The following UPRT variants were observed in gnomAD, a reference collection of about 807,000 sequenced individuals.
UPRT encodes RP11-311P8.3.
UPRT carries 5 observed loss-of-function variants against 22.6 expected under a neutral mutation model. That is an observed-to-expected ratio of 0.22 (90% CI 0.12 to 0.47). UPRT has a LOEUF of 0.47. Ranked by LOEUF, UPRT falls within the 20% of genes least tolerant of loss-of-function variation. The pLI is 0.99. For synonymous variants in UPRT, 77 were observed against 87.7 expected (o/e 0.88, Z 0.68); for missense variants, 181 against 239.9 (o/e 0.75, Z 1.62).
intron 4 of UPRT, among the ~76,000 whole-genome samples, chrX:75,169,848 C>T (rs144870298): frequency 0.016 from 1,793 of 111,213 alleles, 33 homozygotes; most frequent in Admixed American, 0.072. Context: ...GTCTTGATGA[C>T]CTGTCTAGTG....
At chrX:75,272,590 G>T (rs1169704347), upstream of UPRT, among the ~76,000 whole-genome samples, 1 of 107,708 alleles carries the variant, frequency 9.3e-6, no homozygotes, top group African/African-American at 3.4e-5. Context: ...GAGGAAAAGG[G>T]TGGGAAGGGC....
At chrX:75,293,608 G>T in intron 2 of UPRT, 94 bp downstream of exon 2, 2 of 929,156 alleles carry the variant, frequency 2.2e-6, no homozygotes, top group Non-Finnish European at 1.5e-6. Context: ...GCATTCTGGG[G>T]CTGAAAGAGA....
intron 4 of UPRT, among the ~76,000 whole-genome samples, chrX:75,254,999 T>C (rs1208669993): frequency 9.1e-6 from 1 of 110,038 alleles, no homozygotes; most frequent in Admixed American, 9.7e-5. Context: ...ATGGTCTCGA[T>C]CTCCTGACCT....
intron 1 of UPRT, among the ~76,000 whole-genome samples, chrX:75,292,716 G>A (rs1184949477): frequency 9.0e-6 from 1 of 111,003 alleles, no homozygotes; most frequent in African/African-American, 3.3e-5. Context: ...AGAAAGATGA[G>A]GAACAATACT....
At chrX:75,157,411 G>T (rs749325484) in intron 1 of UPRT, among the ~76,000 whole-genome samples, 1 of 111,914 alleles carries the variant, frequency 8.9e-6, no homozygotes, top group African/African-American at 3.3e-5. Flanking sequence ...AGTTGAAGAG[G>T]TTGACTGGAA....
chrX:75,266,621 A>T (rs1430077975), intron 4 of UPRT, among the ~76,000 whole-genome samples: 1 of 111,833 alleles, frequency 8.9e-6, no homozygotes, highest in East Asian at 2.8e-4. Flanking sequence ...GCTTCTGCAC[A>T]GCAAAAGAAA....
intron 4 of UPRT, among the ~76,000 whole-genome samples, chrX:75,251,198 G>T (rs1316325713): frequency 9.0e-6 from 1 of 111,491 alleles, no homozygotes; most frequent in Non-Finnish European, 1.9e-5. Flanking sequence ...CATAGTGTTG[G>T]AAGTTCTGGC....
chrX:75,206,647 A>G (rs2082367847), intron 4 of UPRT, among the ~76,000 whole-genome samples: 1 of 110,409 alleles, frequency 9.1e-6, no homozygotes, highest in Non-Finnish European at 1.9e-5. Flanking sequence ...TACAGGGAGT[A>G]TGCTGGGAAA....
At chrX:75,241,792 C>G (rs191440974) in intron 4 of UPRT, among the ~76,000 whole-genome samples, 1 of 111,364 alleles carries the variant, frequency 9.0e-6, no homozygotes, top group East Asian at 2.8e-4. Context: ...GAGTTGGAGA[C>G]CATTATTCTA....
rs186545525 is a variant in UPRT, at chrX:75,301,461, C to T, written c.823+496C>T. On this transcript the variant is annotated intron_variant, in intron 6 of 6. Transcript: ENST00000373383. ...CCTAACTTAAGATCTTAGTGTTTTT[C>T]GCCATACATTGCAGAACAATTGGGA... 4.2e-3 allele frequency among the ~76,000 whole-genome samples: 474 copies of T among 111,569 alleles called. 5 individuals are homozygous for T. The East Asian group carries it at 0.093, about 22-fold the overall frequency.
chrX:75,296,219 C>T, intron 2 of UPRT, 123 bp from the exon 3 acceptor site: 1 of 606,582 alleles, frequency 1.6e-6, no homozygotes. Context: ...CCCCTTACTG[C>T]CTCCACAAGT....
At chrX:75,293,749 C>T (rs945503644) in intron 2 of UPRT, among the ~76,000 whole-genome samples, 20 of 111,506 alleles carry the variant, frequency 1.8e-4, no homozygotes, top group African/African-American at 6.2e-4. Context: ...TGAGATAACA[C>T]TACCTCTCAA....
intron 4 of UPRT, among the ~76,000 whole-genome samples, chrX:75,212,383 C>T (rs770255882): frequency 2.0e-4 from 22 of 112,117 alleles, no homozygotes; most frequent in Non-Finnish European, 3.4e-4. Flanking sequence ...AAGAAACTCA[C>T]TCAAAACCAC....
chrX:75,234,814 A>C (rs1227677329), intron 4 of UPRT, among the ~76,000 whole-genome samples: 1 of 111,504 alleles, frequency 9.0e-6, no homozygotes, highest in East Asian at 2.8e-4. Context: ...TATAGCACTA[A>C]ATGCCCACAA....
At chrX:75,234,777 A>G (rs1602465406) in intron 4 of UPRT, among the ~76,000 whole-genome samples, 1 of 111,205 alleles carries the variant, frequency 9.0e-6, no homozygotes, top group African/African-American at 3.3e-5. Context: ...TCTGGGACAC[A>G]TTCAAAGCAG....
chrX:75,294,359 G>C (rs1039933397), intron 2 of UPRT, among the ~76,000 whole-genome samples: 2 of 110,724 alleles, frequency 1.8e-5, no homozygotes, highest in African/African-American at 6.5e-5. Context: ...TGTGTCCAGA[G>C]AGATGAGATA....
intron 1 of UPRT, among the ~76,000 whole-genome samples, chrX:75,284,704 G>C (rs778730432): frequency 1.1e-4 from 12 of 111,227 alleles, no homozygotes; most frequent in Non-Finnish European, 2.1e-4. Flanking sequence ...GAGGTGGCAG[G>C]GGGGGGTGCA....
At chrX:75,246,100 T>C (rs1476631206) in intron 4 of UPRT, among the ~76,000 whole-genome samples, 1 of 111,224 alleles carries the variant, frequency 9.0e-6, no homozygotes, top group Admixed American at 9.6e-5. Flanking sequence ...TTTTTGATCT[T>C]TTATTTTATT....
intron 4 of UPRT, among the ~76,000 whole-genome samples, chrX:75,256,559 A>C (rs2082550269): frequency 8.9e-6 from 1 of 111,886 alleles, no homozygotes; most frequent in South Asian, 3.7e-4. Flanking sequence ...CAAAAAATAC[A>C]AAAGATAAAT....
Sources: gnomAD v4.1 joint callset for allele counts (sites outside exome capture counted in the v4.1 genomes callset) on GRCh38, gnomAD v4.1.1 for gene constraint, MANE v1.5 for transcripts, NCBI Gene and HGNC (gene_info 2026-07-23, HGNC 2026-07-21) for gene names.